GAREM1: variants seen among roughly 807,000 people sequenced by gnomAD.
GAREM1 encodes GRB2 associated regulator of MAPK1 subtype 1.
In GAREM1, 26 loss-of-function variants were observed where a neutral mutation model predicts 71.3. The ratio of observed to expected loss-of-function variants is 0.36; its 90% CI spans 0.27 to 0.51. The LOEUF is 0.51. Ranked by LOEUF, GAREM1 falls within the 20% of genes least tolerant of loss-of-function variation. The probability of loss-of-function intolerance (pLI) is 0.95; values close to 1 mark genes in which losing one functional copy is unlikely to be tolerated. For synonymous variants in GAREM1, 440 were observed against 433.2 expected (o/e 1.02, Z -0.20); for missense variants, 1,026 against 1,103.1 (o/e 0.93, Z 0.99).
chr18:32,282,810 T>C (rs1403584631), intron 4 of GAREM1, among the ~76,000 whole-genome samples: 4 of 152,184 alleles, frequency 2.6e-5, no homozygotes, highest in Non-Finnish European at 5.9e-5. Context: ...TATAAAGTCT[T>C]CCCAGCATTG....
intron 1 of GAREM1, among the ~76,000 whole-genome samples, chr18:32,424,218 C>A (rs57978863): frequency 0.21 from 31,916 of 151,486 alleles, 4,016 homozygotes; most frequent in East Asian, 0.39. Flanking sequence ...TTAAATTCAA[C>A]ATAAATGCTA....
intron 1 of GAREM1, among the ~76,000 whole-genome samples, chr18:32,423,733 T>C (rs1017324127): frequency 6.6e-6 from 1 of 152,300 alleles, no homozygotes; most frequent in Middle Eastern, 3.4e-3. Flanking sequence ...GCATTAAGGA[T>C]CATCTAAATC....
At chr18:32,291,329 A>C (rs1360997729) in intron 3 of GAREM1, among the ~76,000 whole-genome samples, 4 of 150,196 alleles carry the variant, frequency 2.7e-5, no homozygotes, top group South Asian at 2.1e-4. Flanking sequence ...AAAAAAAAAA[A>C]AAAAACCAAA....
chr18:32,466,187 T>A (rs1031533127), intron 1 of GAREM1, among the ~76,000 whole-genome samples: 4 of 152,068 alleles, frequency 2.6e-5, no homozygotes, highest in Admixed American at 2.6e-4. Flanking sequence ...TTTTTTTGGT[T>A]ACAGAGAGTA....
chr18:32,428,963 T>G (rs2048599690), intron 1 of GAREM1, among the ~76,000 whole-genome samples: 1 of 152,150 alleles, frequency 6.6e-6, no homozygotes, highest in Admixed American at 6.5e-5. Flanking sequence ...TGCAAAGCCT[T>G]AGCAAAATTT....
chr18:32,373,007 T>A (rs1161375126), intron 2 of GAREM1, among the ~76,000 whole-genome samples: 1 of 152,200 alleles, frequency 6.6e-6, no homozygotes, highest in African/African-American at 2.4e-5. Flanking sequence ...ATAGAAGTTA[T>A]CCTGGCAGAC....
chr18:32,363,081 G>C (rs992538840), intron 2 of GAREM1, among the ~76,000 whole-genome samples: 1 of 152,122 alleles, frequency 6.6e-6, no homozygotes, highest in African/African-American at 2.4e-5. Context: ...AAGGGGTTTA[G>C]TTTTGAATCC....
chr18:32,364,012 A>ATG (rs2047897309), intron 2 of GAREM1, among the ~76,000 whole-genome samples: 3 of 51,464 alleles, frequency 5.8e-5, no homozygotes, highest in Non-Finnish European at 1.0e-4. Context: ...ATATATATAT[A>ATG]TATATATATA....
intron 1 of GAREM1, among the ~76,000 whole-genome samples, chr18:32,424,542 A>T (rs2048555026): frequency 6.6e-6 from 1 of 152,224 alleles, no homozygotes; most frequent in African/African-American, 2.4e-5. Flanking sequence ...TCAATTTACC[A>T]GGGTCTGATA....
intron 2 of GAREM1, chr18:32,331,642 G>C (rs1351529874): frequency 6.6e-6 from 1 of 152,160 alleles, no homozygotes; most frequent in African/African-American, 2.4e-5. Context: ...TGATTCAGAA[G>C]GTGTCGGATG....
At chr18:32,424,763 A>G (rs1426322075) in intron 1 of GAREM1, among the ~76,000 whole-genome samples, 2 of 152,228 alleles carry the variant, frequency 1.3e-5, no homozygotes, top group African/African-American at 4.8e-5. Flanking sequence ...TAGAACTTGT[A>G]AACATCAGAT....
intron 2 of GAREM1, among the ~76,000 whole-genome samples, chr18:32,315,709 A>T (rs1319339550): frequency 6.6e-6 from 1 of 151,986 alleles, no homozygotes; most frequent in African/African-American, 2.4e-5. Context: ...CATTCCCTTA[A>T]AACTGTGATT....
intron 2 of GAREM1, among the ~76,000 whole-genome samples, chr18:32,336,442 A>AG (rs1378181554): frequency 6.6e-6 from 1 of 152,048 alleles, no homozygotes; most frequent in Non-Finnish European, 1.5e-5. Context: ...AAAAAAAAAA[A>AG]AAAAAAAATC....
In GAREM1 at chr18:32,312,869, G is replaced by A. The variant is rs185040226; in HGVS notation, c.263-2546C>T. ...CCATTCATCTCCAGCCCCAAGAGATGCAGCAGTGGAAGCTGTTGGAAGCTT... is the reference window on the plus strand; with the variant it reads ...CCATTCATCTCCAGCCCCAAGAGATACAGCAGTGGAAGCTGTTGGAAGCTT... On this transcript the variant is annotated intron_variant, in intron 2 of 5. Coordinates refer to ENST00000269209, the MANE Select transcript of GAREM1 (RefSeq NM_001242409.2). Among the ~76,000 whole-genome samples the A allele has an allele frequency of 1.1e-3, 168 of 152,296 alleles. 1 individual carries two copies. The highest frequency in any genetic ancestry group is 3.8e-3 in the African/African-American group (157 of 41,560).
chr18:32,435,652 G>A (rs140282627), intron 1 of GAREM1, among the ~76,000 whole-genome samples: 1 of 152,198 alleles, frequency 6.6e-6, no homozygotes, highest in Non-Finnish European at 1.5e-5. Flanking sequence ...ATAAAAATTA[G>A]GGTTTTAGAA....
intron 2 of GAREM1, among the ~76,000 whole-genome samples, chr18:32,338,932 AT>A (rs1240515041): frequency 6.6e-6 from 1 of 152,342 alleles, no homozygotes; most frequent in East Asian, 1.9e-4. Context: ...CGAGGGGCTC[AT>A]CCAACCAGCT....
chr18:32,407,112 C>G (rs1407136492), intron 1 of GAREM1, among the ~76,000 whole-genome samples: 1 of 152,216 alleles, frequency 6.6e-6, no homozygotes, highest in Non-Finnish European at 1.5e-5. Context: ...CGTTTCTACT[C>G]TCATTCACTT....
At chr18:32,456,295 T>C (rs2048888581) in intron 1 of GAREM1, among the ~76,000 whole-genome samples, 1 of 152,012 alleles carries the variant, frequency 6.6e-6, no homozygotes, top group Non-Finnish European at 1.5e-5. Flanking sequence ...ATGATTTTAA[T>C]CCACAGAAGA....
rs555510576 is a variant in GAREM1 at position 32,409,745 on chromosome 18, C to T, written c.122-16710G>A. Among the ~76,000 whole-genome samples the T allele has an allele frequency of 3.9e-5, 6 of 152,118 alleles. No homozygotes were observed. In the South Asian group the frequency reaches 1.0e-3, roughly 26 times the overall value. On this transcript the variant is annotated intron_variant, in intron 1 of 5. Transcript: ENST00000269209. Reference sequence around the variant, plus strand: ...AAATTTTACACCCTGAAATACTGCACGGTAACTAATATTTAAAAGATAAGA... The same window carrying T: ...AAATTTTACACCCTGAAATACTGCATGGTAACTAATATTTAAAAGATAAGA...
Sources: allele counts gnomAD v4.1 joint callset (sites outside exome capture counted in the v4.1 genomes callset), GRCh38; gene constraint gnomAD v4.1.1; transcripts MANE v1.5; gene names NCBI Gene and HGNC (gene_info 2026-07-23, HGNC 2026-07-21).